The following CLASP1 variants were observed in gnomAD, a reference collection of about 807,000 sequenced individuals.
The protein encoded by CLASP1 is cytoplasmic linker associated protein 1, also known as CLIP-associating protein 1.
CLASP1 carries 38 observed loss-of-function variants against 192.3 expected under a neutral mutation model. The ratio of observed to expected loss-of-function variants is 0.20; its 90% CI spans 0.15 to 0.26. The LOEUF (loss-of-function observed/expected upper bound fraction) is 0.26. Ranked by LOEUF, CLASP1 falls within the 10% of genes least tolerant of loss-of-function variation. The pLI, the probability that CLASP1 is intolerant of heterozygous loss-of-function variation, is 1.00. For synonymous variants in CLASP1, 691 were observed against 712.8 expected (o/e 0.97, Z 0.49); for missense variants, 1,433 against 1,932.5 (o/e 0.74, Z 4.85).
chr2:121,466,283 T>C (rs1415034198), intron 9 of CLASP1, among the ~76,000 whole-genome samples: 4 of 152,134 alleles, frequency 2.6e-5, no homozygotes, highest in African/African-American at 9.7e-5. Context: ...ACCAAAAAAA[T>C]AATCAGAAAG....
intron 7 of CLASP1, among the ~76,000 whole-genome samples, chr2:121,513,438 T>A (rs6740045): frequency 0.18 from 28,115 of 151,984 alleles, 4,665 homozygotes; most frequent in African/African-American, 0.44. Flanking sequence ...TTTTATTTTT[T>A]TTTTTTAAAG....
At chr2:121,554,866 G>A (rs2058392162) in intron 2 of CLASP1, among the ~76,000 whole-genome samples, 1 of 152,132 alleles carries the variant, frequency 6.6e-6, no homozygotes, top group South Asian at 2.1e-4. Context: ...AAATTTTATG[G>A]TATATAAATT....
chr2:121,439,297 T>G (rs978127514), intron 19 of CLASP1, among the ~76,000 whole-genome samples: 2 of 152,240 alleles, frequency 1.3e-5, no homozygotes, highest in Admixed American at 1.3e-4. Flanking sequence ...TCATTAATTT[T>G]TTGAAGGGTT....
chr2:121,626,547 T>C (rs183665717), intron 1 of CLASP1, among the ~76,000 whole-genome samples: 22 of 152,156 alleles, frequency 1.4e-4, no homozygotes, highest in Admixed American at 6.5e-4. Context: ...TGGGGTCACA[T>C]AGCAAGTATG....
At chr2:121,348,042 C>G (rs1458045432) in intron 38 of CLASP1, among the ~76,000 whole-genome samples, 1 of 150,068 alleles carries the variant, frequency 6.7e-6, no homozygotes, top group East Asian at 2.0e-4. Flanking sequence ...GCTGAAAATC[C>G]TCTGAGGCAG....
At chr2:121,422,871 A>C (rs1351052195) in intron 22 of CLASP1, among the ~76,000 whole-genome samples, 1 of 152,126 alleles carries the variant, frequency 6.6e-6, no homozygotes, top group African/African-American at 2.4e-5. Context: ...TATCATTAAA[A>C]CTGTTGAATT....
At chr2:121,600,613 C>A (rs1233618313) in intron 2 of CLASP1, among the ~76,000 whole-genome samples, 1 of 152,210 alleles carries the variant, frequency 6.6e-6, no homozygotes, top group Non-Finnish European at 1.5e-5. Flanking sequence ...TTCTGTCTTC[C>A]CACAGAACTC....
intron 7 of CLASP1, among the ~76,000 whole-genome samples, chr2:121,511,658 T>C (rs763695094): frequency 9.2e-5 from 14 of 151,640 alleles, no homozygotes; most frequent in African/African-American, 2.7e-4. Context: ...ATAATTCTTA[T>C]AGTGACAAAA....
chr2:121,624,478 G>A (rs543676454), intron 1 of CLASP1, among the ~76,000 whole-genome samples: 48 of 152,196 alleles, frequency 3.2e-4, no homozygotes, highest in African/African-American at 1.1e-3. Context: ...GCACATTTGC[G>A]TGATCTGGGC....
At chr2:121,552,798 T>C (rs934192151) in intron 2 of CLASP1, among the ~76,000 whole-genome samples, 6 of 152,212 alleles carry the variant, frequency 3.9e-5, no homozygotes, top group Non-Finnish European at 7.3e-5. Context: ...CTCAAAGAGC[T>C]AGAAGCAGAA....
At chr2:121,364,660 G>C (rs557706073) in intron 36 of CLASP1, 36 of 190,218 alleles carry the variant, frequency 1.9e-4, no homozygotes, top group Non-Finnish European at 2.0e-4. Flanking sequence ...ACATATGTAG[G>C]GGGGGACCAA....
chr2:121,483,831 A>G (rs146592607), intron 8 of CLASP1, among the ~76,000 whole-genome samples: 1 of 152,332 alleles, frequency 6.6e-6, no homozygotes, highest in Non-Finnish European at 1.5e-5. Context: ...AATTATAAAG[A>G]ATTAACATAA....
chr2:121,351,485 A>C (rs1323239992), intron 37 of CLASP1, among the ~76,000 whole-genome samples: 1 of 152,336 alleles, frequency 6.6e-6, no homozygotes, highest in Admixed American at 6.5e-5. Flanking sequence ...ACTGAGAATT[A>C]ATTCTCCTAG....
At chr2:121,488,768 T>C (rs2093134428) in intron 8 of CLASP1, among the ~76,000 whole-genome samples, 1 of 152,204 alleles carries the variant, frequency 6.6e-6, no homozygotes. Context: ...TTAATGGTCA[T>C]GAATTAATAC....
chr2:121,379,298 G>A (rs2071056604), intron 33 of CLASP1, among the ~76,000 whole-genome samples: 1 of 151,710 alleles, frequency 6.6e-6, no homozygotes, highest in African/African-American at 2.4e-5. Context: ...GTTTGCTGTT[G>A]AAATTCCATG....
intron 30 of CLASP1, among the ~76,000 whole-genome samples, chr2:121,388,567 G>A (rs7575816): frequency 1.2e-3 from 179 of 152,322 alleles, no homozygotes; most frequent in African/African-American, 4.1e-3. Flanking sequence ...TTGTGGTAGC[G>A]AGGTAGGCAA....
intron 1 of CLASP1, among the ~76,000 whole-genome samples, chr2:121,625,824 G>A (rs2068236292): frequency 6.6e-6 from 1 of 151,858 alleles, no homozygotes; most frequent in Non-Finnish European, 1.5e-5. Context: ...GGGCACAGTG[G>A]CTCACATCTG....
chr2:121,499,441 G>T (rs1208432364), intron 8 of CLASP1, among the ~76,000 whole-genome samples: 1 of 151,636 alleles, frequency 6.6e-6, no homozygotes, highest in Non-Finnish European at 1.5e-5. Flanking sequence ...GTGCTAATGG[G>T]AATGGGACGT....
intron 9 of CLASP1, among the ~76,000 whole-genome samples, chr2:121,465,699 G>A (rs977148383): frequency 1.3e-5 from 2 of 152,156 alleles, no homozygotes; most frequent in African/African-American, 4.8e-5. Context: ...CCACAAAAGA[G>A]CCCGCATCGC....
Sources: allele counts gnomAD v4.1 joint callset (sites outside exome capture counted in the v4.1 genomes callset), GRCh38; gene constraint gnomAD v4.1.1; transcripts MANE v1.5; gene names NCBI Gene and HGNC (gene_info 2026-07-23, HGNC 2026-07-21).